The following PSMA6 variants were observed in gnomAD, a reference collection of about 807,000 sequenced individuals.
PSMA6 encodes proteasome subunit alpha type-6.
For missense variants in PSMA6, 170 were observed against 294.8 expected (o/e 0.58, Z 3.10); for synonymous variants, 88 against 97.7 (o/e 0.90, Z 0.59).
intron 1 of PSMA6, among the ~76,000 whole-genome samples, chr14:35,279,533 T>C (rs780549460): frequency 4.6e-5 from 7 of 152,326 alleles, no homozygotes; most frequent in South Asian, 2.1e-4. Flanking sequence ...AGCTGTTGGC[T>C]CAAATTAAGG....
chr14:35,315,462 G>A (rs2052026917), intron 6 of PSMA6: 1 of 152,062 alleles, frequency 6.6e-6, no homozygotes, highest in Non-Finnish European at 1.5e-5. Context: ...GGAGGCTGAG[G>A]CAAGAGGATG....
At chr14:35,283,611 C>T (rs865957332) in intron 1 of PSMA6, among the ~76,000 whole-genome samples, 4 of 149,064 alleles carry the variant, frequency 2.7e-5, no homozygotes, top group South Asian at 2.1e-4. Context: ...GCTGGAGTGC[C>T]GTGATGCAAT....
intron 1 of PSMA6, among the ~76,000 whole-genome samples, chr14:35,295,169 C>T (rs1332050472): frequency 6.6e-6 from 1 of 151,920 alleles, no homozygotes; most frequent in Non-Finnish European, 1.5e-5. Context: ...GAAACTCTGT[C>T]TCTACTAAAA....
chr14:35,308,816 C>G (rs998780083), intron 2 of PSMA6, 98 bp from the exon 3 acceptor site: 1 of 824,076 alleles, frequency 1.2e-6, no homozygotes, highest in Non-Finnish European at 2.0e-6. Flanking sequence ...ATTGTTTTCT[C>G]CAAGAAGCAG....
intron 2 of PSMA6, chr14:35,308,709 G>C: frequency 2.2e-6 from 1 of 465,000 alleles, no homozygotes; most frequent in South Asian, 3.0e-5. Context: ...GTATCATCTA[G>C]AAAAGGTAAA....
upstream of PSMA6, among the ~76,000 whole-genome samples, chr14:35,289,391 A>G (rs1249861787): frequency 6.6e-6 from 1 of 151,752 alleles, no homozygotes; most frequent in Non-Finnish European, 1.5e-5. Flanking sequence ...GTGCAGTGGC[A>G]TGATCTCAGC....
intron 1 of PSMA6, among the ~76,000 whole-genome samples, chr14:35,295,771 T>A (rs2051575120): frequency 6.6e-6 from 1 of 152,216 alleles, no homozygotes; most frequent in South Asian, 2.1e-4. Flanking sequence ...TCTCTTAATG[T>A]ACATATGCAG....
chr14:35,308,798 T>G, intron 2 of PSMA6, 116 bp from the exon 3 acceptor site: 2 of 713,700 alleles, frequency 2.8e-6, no homozygotes, highest in Non-Finnish European at 4.9e-6. Flanking sequence ...TTTTTATGGT[T>G]CCATAGTATT....
chr14:35,279,682 C>T (rs57675424), intron 1 of PSMA6, among the ~76,000 whole-genome samples: 3,845 of 152,236 alleles, frequency 0.025, 166 homozygotes, highest in African/African-American at 0.085. Context: ...TTGAAGAGAA[C>T]GTCTAAGGAA....
At chr14:35,280,480 C>G (rs1223711357) in intron 1 of PSMA6, among the ~76,000 whole-genome samples, 1 of 151,310 alleles carries the variant, frequency 6.6e-6, no homozygotes, top group East Asian at 2.0e-4. Flanking sequence ...CTCCCGGATT[C>G]AAGTGATTCT....
At chr14:35,300,365 C>T (rs113356850) in intron 1 of PSMA6, among the ~76,000 whole-genome samples, 7,662 of 152,034 alleles carry the variant, frequency 0.05, 290 homozygotes, top group African/African-American at 0.1. Context: ...CCCACATACT[C>T]TGGAGGCTGA....
chr14:35,316,384 T>C (rs912813172), intron 6 of PSMA6: 5 of 73,230 alleles, frequency 6.8e-5, no homozygotes, highest in Non-Finnish European at 9.5e-5. Flanking sequence ...AGACTCCATC[T>C]CAAAAAAAAA....
intron 1 of PSMA6, among the ~76,000 whole-genome samples, chr14:35,295,744 G>A (rs945943082): frequency 3.3e-5 from 5 of 152,272 alleles, no homozygotes; most frequent in East Asian, 1.9e-4. Flanking sequence ...GAGCCATTGC[G>A]CTCGGCCTGA....
chr14:35,290,317 C>T (rs1166635347), upstream of PSMA6, among the ~76,000 whole-genome samples: 1 of 152,120 alleles, frequency 6.6e-6, no homozygotes. Context: ...ATACCAGGCT[C>T]TTTCAGAGTC....
At chr14:35,301,746 G>A (rs2051717310) in intron 1 of PSMA6, among the ~76,000 whole-genome samples, 1 of 152,132 alleles carries the variant, frequency 6.6e-6, no homozygotes, top group African/African-American at 2.4e-5. Flanking sequence ...TATGTAAAAT[G>A]TTTTTTATTT....
At chr14:35,278,846 C>G (rs546144871) in intron 1 of PSMA6, 4 of 1,059,314 alleles carry the variant, frequency 3.8e-6, no homozygotes, top group Non-Finnish European at 5.5e-6. Context: ...GCTTTTTTTT[C>G]TATCCTGTGT....
intron 1 of PSMA6, among the ~76,000 whole-genome samples, chr14:35,283,676 C>A (rs1156987333): frequency 6.6e-6 from 1 of 151,850 alleles, no homozygotes; most frequent in Admixed American, 6.6e-5. Context: ...CTGCCTCAGC[C>A]TCCCAAGTAA....
At chr14:35,285,468 C>G (rs143226657) in intron 1 of PSMA6, among the ~76,000 whole-genome samples, 1 of 152,122 alleles carries the variant, frequency 6.6e-6, no homozygotes, top group African/African-American at 2.4e-5. Flanking sequence ...AAACCTCATT[C>G]ATTTGCATTT....
rs534752454 is a variant in PSMA6 at position 35,309,804 on chromosome 14, A to T, written c.253+809A>T. Among the ~76,000 whole-genome samples the T allele has an allele frequency of 5.3e-5, 8 of 152,134 alleles. No homozygotes were observed. The South Asian group carries it at 1.7e-3, about 32-fold the overall frequency. ...GAGTGAGACTGTCTCAAAAAATAAA[A>T]ACAAAAATACCAAAAAACTTAACCA... On this transcript the variant is annotated intron_variant, in intron 3 of 6. Transcript: ENST00000261479.
Sources: gnomAD v4.1 joint callset for allele counts (sites outside exome capture counted in the v4.1 genomes callset) on GRCh38, gnomAD v4.1.1 for gene constraint, MANE v1.5 for transcripts, NCBI Gene and HGNC (gene_info 2026-07-23, HGNC 2026-07-21) for gene names.